FRMD7: variants seen among roughly 807,000 people sequenced by gnomAD.
FRMD7 encodes the protein FERM domain-containing protein 7.
In FRMD7, 14 loss-of-function variants were observed where a neutral mutation model predicts 44.1. The ratio of observed to expected loss-of-function variants is 0.32; its 90% CI spans 0.21 to 0.50. The LOEUF (loss-of-function observed/expected upper bound fraction) is 0.50, where lower values mean the gene tolerates loss of function less well. Ranked by LOEUF, FRMD7 falls within the 20% of genes least tolerant of loss-of-function variation. The pLI, the probability that FRMD7 is intolerant of heterozygous loss-of-function variation, is 0.99. For synonymous variants in FRMD7, 212 were observed against 187.4 expected, an observed-to-expected ratio of 1.13 and a Z score of -1.07; for missense variants, 501 against 522.3, an observed-to-expected ratio of 0.96 and a Z score of 0.40.
At chrX:132,102,252 C>T (rs2124255269) in intron 1 of FRMD7, among the ~76,000 whole-genome samples, 1 of 111,545 alleles carries the variant, frequency 9.0e-6, no homozygotes, top group South Asian at 3.8e-4. Flanking sequence ...GTTTTACTGC[C>T]CAGAGCTCCA....
intron 5 of FRMD7, among the ~76,000 whole-genome samples, chrX:132,089,431 T>A (rs1000098324): frequency 9.0e-6 from 1 of 111,561 alleles, no homozygotes; most frequent in Non-Finnish European, 1.9e-5. Flanking sequence ...TTTTTGACCT[T>A]AAGTTAGGCA....
At chrX:132,099,213 A>T (rs1172570462) in intron 3 of FRMD7, among the ~76,000 whole-genome samples, 1 of 111,939 alleles carries the variant, frequency 8.9e-6, no homozygotes, top group East Asian at 2.8e-4. Context: ...ATATTCCTCA[A>T]ACCAATCCAG....
intron 1 of FRMD7, among the ~76,000 whole-genome samples, chrX:132,120,771 G>C (rs1352216414): frequency 8.9e-6 from 1 of 112,428 alleles, no homozygotes; most frequent in Non-Finnish European, 1.9e-5. Context: ...TGCTCAGCCT[G>C]GCCTGGGGCC....
intron 8 of FRMD7, among the ~76,000 whole-genome samples, chrX:132,083,492 C>T (rs1281592167): frequency 3.6e-5 from 4 of 111,193 alleles, no homozygotes; most frequent in Non-Finnish European, 5.6e-5. Context: ...TTTCCAGGTT[C>T]CTGCATGTAG....
chrX:132,084,555 C>T lies in FRMD7; in HGVS notation c.676G>A (p.Ala226Thr). The change falls in exon 8 of 12, where the codon GCT becomes ACT. Residue 226 changes from alanine (A) to threonine (T), a missense_variant. Transcript: ENST00000298542. ...TTAAAACTCAACTTGCGGATTTTAG[C>T]CCAGTTAAAAGTATTGATCTTTGTA... The part of the protein sequence containing the change: ...GNTKINTFNW[A>T]KIRKLSFKRK... 1.7e-6 allele frequency: 2 copies of T among 1,173,655 alleles called. No homozygotes were observed. Among genetic ancestry groups the T allele is most frequent in the Non-Finnish European group, 2.3e-6 (2 of 860,657 alleles).
chrX:132,120,460 A>G (rs1929007012), intron 1 of FRMD7, among the ~76,000 whole-genome samples: 1 of 113,063 alleles, frequency 8.8e-6, no homozygotes. Context: ...GAAATTTTCC[A>G]CAGAGATTCC....
chrX:132,107,800 T>C lies in FRMD7; in HGVS notation c.58-7084A>G, dbSNP rs144004244. On this transcript the variant is annotated intron_variant, in intron 1 of 11. Transcript: ENST00000298542. The stretch of plus-strand genomic sequence containing the variant: ...TTTTGGGAGAATACAAGTCAGTCTA[T>C]AGCAATGACCCAGCTTGATGGTCCA... Among the ~76,000 whole-genome samples the C allele has an allele frequency of 2.7e-5, 3 of 111,870 alleles. No homozygotes were observed. In the East Asian group the frequency reaches 8.4e-4, roughly 31 times the overall value.
At chrX:132,089,535 G>T (rs1284523441) in intron 5 of FRMD7, among the ~76,000 whole-genome samples, 2 of 111,799 alleles carry the variant, frequency 1.8e-5, no homozygotes, top group East Asian at 5.6e-4. Context: ...TACTTCAAAA[G>T]ATATCCTTAC....
intron 1 of FRMD7, among the ~76,000 whole-genome samples, chrX:132,107,391 C>T (rs1602827777): frequency 1.8e-5 from 2 of 111,578 alleles, no homozygotes; most frequent in East Asian, 2.8e-4. Context: ...TATGGTTATG[C>T]CTCATTTTTT....
In FRMD7 at chrX:132,127,955, A is replaced by G; in HGVS notation, c.-111T>C. On this transcript the variant is annotated 5_prime_UTR_variant, in exon 1 of 12. Transcript: ENST00000298542. ...CACTCGGGCCCCCCCACCCCCAGCC[A>G]GGCATTCCCACTGTCAGCGGGGCAC... The G allele has an allele frequency of 1.6e-6, 1 of 628,092 alleles. No homozygotes were observed. Among genetic ancestry groups the G allele is most frequent in the Non-Finnish European group, 2.7e-6 (1 of 368,190 alleles). 51.8% of individuals were successfully genotyped at this position (628,092 alleles called of 1,213,427 possible).
chrX:132,103,773 C>A (rs985749520), intron 1 of FRMD7, among the ~76,000 whole-genome samples: 2 of 112,043 alleles, frequency 1.8e-5, no homozygotes, highest in Non-Finnish European at 3.8e-5. Flanking sequence ...ACTAGCTGGA[C>A]GAATTGGGGC....
chrX:132,109,248 T>C (rs12012529), intron 1 of FRMD7, among the ~76,000 whole-genome samples: 7,464 of 111,677 alleles, frequency 0.067, 202 homozygotes, highest in African/African-American at 0.1. Flanking sequence ...ATAACAGCCA[T>C]ACACAAAAAC....
chrX:132,096,815 GTAAT>G (rs1928352533), intron 4 of FRMD7, among the ~76,000 whole-genome samples: 2 of 109,449 alleles, frequency 1.8e-5, no homozygotes, highest in Non-Finnish European at 3.8e-5. Context: ...GGTTTACTTT[GTAAT>G]TCTGAAGGAC....
intron 9 of FRMD7, among the ~76,000 whole-genome samples, chrX:132,081,242 G>C (rs768257687): frequency 9.0e-6 from 1 of 111,341 alleles, no homozygotes; most frequent in South Asian, 3.8e-4. Context: ...CTAAGGCAGA[G>C]AATTGCTTGA....
chrX:132,084,666 C>T, intron 7 of FRMD7, 81 bp from the exon 8 acceptor site: 1 of 602,747 alleles, frequency 1.7e-6, no homozygotes. Flanking sequence ...ATAGAAAATG[C>T]ACTTAATGAG....
At chrX:132,085,793 C>T in intron 6 of FRMD7, 65 bp from the exon 7 acceptor site, 3 of 1,108,105 alleles carry the variant, frequency 2.7e-6, no homozygotes, top group Non-Finnish European at 3.7e-6. Flanking sequence ...ACCCTGAGAG[C>T]TCCATGAGGA....
intron 2 of FRMD7, 47 bp from the exon 3 acceptor site, chrX:132,099,557 G>A: frequency 1.0e-6 from 1 of 981,435 alleles, no homozygotes; most frequent in South Asian, 2.1e-5. Context: ...GCATTGAGCA[G>A]AGCTTTTTTT....
intron 8 of FRMD7, 110 bp downstream of exon 8, chrX:132,084,380 T>C: frequency 3.7e-6 from 2 of 547,178 alleles, no homozygotes. Flanking sequence ...AGACACACCA[T>C]CACTCAGGGC....
intron 1 of FRMD7, among the ~76,000 whole-genome samples, chrX:132,125,781 G>A (rs1268900472): frequency 1.4e-4 from 16 of 111,190 alleles, no homozygotes; most frequent in Non-Finnish European, 1.1e-4. Flanking sequence ...AATGTGCATC[G>A]GCAATACTGA....
Sources: allele counts gnomAD v4.1 joint callset (sites outside exome capture counted in the v4.1 genomes callset), GRCh38; gene constraint gnomAD v4.1.1; transcripts MANE v1.5; gene names NCBI Gene and HGNC (gene_info 2026-07-23, HGNC 2026-07-21).